ADAM18: variants seen among roughly 807,000 people sequenced by gnomAD.
The protein encoded by ADAM18 is ADAM metallopeptidase domain 18.
A neutral mutation model predicts 94.4 loss-of-function variants in ADAM18; 117 were observed. That is an observed-to-expected ratio of 1.24 (90% CI 1.07 to 1.45). The LOEUF is 1.45. Ranked by LOEUF, ADAM18 falls within the 40% of genes most tolerant of loss-of-function variation. The pLI, the probability that ADAM18 is intolerant of heterozygous loss-of-function variation, is 0.00. For synonymous variants in ADAM18, 327 were observed against 291.6 expected (o/e 1.12, Z -1.24); for missense variants, 936 against 880.0 (o/e 1.06, Z -0.81).
rs1822875584 is a variant in ADAM18, at chr8:39,725,419, T to A, written c.2177+1512T>A. Reference sequence around the variant, plus strand: ...ATACAGTATTGTTAGCTATAGGTACTGTGGTGTATAGTAGAGCTCCAGAAT... The same window carrying A: ...ATACAGTATTGTTAGCTATAGGTACAGTGGTGTATAGTAGAGCTCCAGAAT... On this transcript the variant is annotated intron_variant, in intron 19 of 19. Transcript: ENST00000265707. 3.3e-5 allele frequency among the ~76,000 whole-genome samples: 5 copies of A among 152,248 alleles called. No individual in the cohort carries two copies. The South Asian group carries it at 1.0e-3, about 32-fold the overall frequency.
At chr8:39,623,674 G>A (rs1819682675) in intron 6 of ADAM18, among the ~76,000 whole-genome samples, 1 of 152,092 alleles carries the variant, frequency 6.6e-6, no homozygotes, top group East Asian at 1.9e-4. Flanking sequence ...TCGGCTCACT[G>A]CAAGCTTCGC....
At chr8:39,593,516 A>G (rs1270735892) in intron 2 of ADAM18, among the ~76,000 whole-genome samples, 2 of 152,172 alleles carry the variant, frequency 1.3e-5, no homozygotes, top group Non-Finnish European at 2.9e-5. Flanking sequence ...TATTCAAAAC[A>G]GTATGGTTTT....
intron 7 of ADAM18, among the ~76,000 whole-genome samples, chr8:39,630,718 G>T (rs1819909542): frequency 6.6e-6 from 1 of 151,792 alleles, no homozygotes; most frequent in Admixed American, 6.6e-5. Flanking sequence ...CATGTCTTTT[G>T]GTAGACATAA....
At chr8:39,637,007 C>G (rs1255252166) in intron 7 of ADAM18, among the ~76,000 whole-genome samples, 1 of 130,932 alleles carries the variant, frequency 7.6e-6, no homozygotes, top group Admixed American at 8.7e-5. Flanking sequence ...AATATTTCCG[C>G]ATGTGTGTAT....
rs57734705 is a variant in ADAM18, at chr8:39,611,731, GA to G, written c.522+1035del. On this transcript the variant is annotated intron_variant, in intron 6 of 19. Coordinates refer to ENST00000265707, the MANE Select transcript of ADAM18 (RefSeq NM_014237.3). ...ATTAAATCATTATCCAACATGTGGA[GA>G]AAAAAAAAAGTGCCTATAGGTTGTG... Among the ~76,000 whole-genome samples, 1,122 of 147,864 alleles carry G rather than the reference GA, an allele frequency of 7.6e-3. 11 individuals carry two copies. The highest frequency in any genetic ancestry group is 0.026 in the African/African-American group (1,061 of 40,474).
intron 18 of ADAM18, among the ~76,000 whole-genome samples, chr8:39,707,814 A>G (rs973997499): frequency 6.6e-6 from 1 of 152,172 alleles, no homozygotes. Context: ...ATGTATTAAT[A>G]TATTTTCCTT....
rs764297790 is a variant in ADAM18 at position 39,661,175 on chromosome 8, G to A, written c.1231-2620G>A. 8.1e-4 allele frequency among the ~76,000 whole-genome samples: 104 copies of A among 127,670 alleles called. 1 individual carries two copies. The highest frequency in any genetic ancestry group is 1.2e-3 in the Non-Finnish European group (69 of 59,854). The allele number at this position is 127,670 out of a possible 152,430, so 83.8% of individuals were successfully genotyped here. A position where few individuals can be genotyped will look rare whatever the true frequency, so the allele number is the denominator to read the frequency against. ...TCTTCTTTTTTTTTTTTTTTTTTGA[G>A]GGAGTCTCGGTTTGTCGCCCAGGCT... is the stretch of plus-strand genomic sequence containing the variant. On this transcript the variant is annotated intron_variant, in intron 12 of 19. Transcript: ENST00000265707.
At chr8:39,607,527 A>G (rs539882552) in intron 3 of ADAM18, among the ~76,000 whole-genome samples, 1 of 152,298 alleles carries the variant, frequency 6.6e-6, no homozygotes, top group Admixed American at 6.5e-5. Context: ...TAGAATCATC[A>G]GTGGTCCTCA....
intron 2 of ADAM18, among the ~76,000 whole-genome samples, chr8:39,588,319 T>C (rs1818468287): frequency 6.6e-6 from 1 of 152,146 alleles, no homozygotes; most frequent in African/African-American, 2.4e-5. Context: ...TGATGATTAA[T>C]GATATTGAGT....
chr8:39,622,078 C>G (rs1819631485), intron 6 of ADAM18, among the ~76,000 whole-genome samples: 1 of 151,996 alleles, frequency 6.6e-6, no homozygotes. Flanking sequence ...TACCCCTGAA[C>G]TTAAAATAAA....
chr8:39,663,741 C>T (rs1820913460), intron 12 of ADAM18, 54 bp from the exon 13 acceptor site: 4 of 1,129,366 alleles, frequency 3.5e-6, no homozygotes, highest in East Asian at 2.6e-5. Context: ...GATTAAGAAA[C>T]AAGAGCTTTT....
intron 12 of ADAM18, among the ~76,000 whole-genome samples, chr8:39,658,083 C>T (rs1463624896): frequency 6.6e-6 from 1 of 152,168 alleles, no homozygotes; most frequent in South Asian, 2.1e-4. Context: ...TTACCAATGG[C>T]ACTCCTGCTG....
At chr8:39,720,093 G>A (rs1316730605) in intron 18 of ADAM18, among the ~76,000 whole-genome samples, 1 of 151,214 alleles carries the variant, frequency 6.6e-6, no homozygotes, top group Non-Finnish European at 1.5e-5. Context: ...ACAATGTGTA[G>A]TCTCTCAATA....
chr8:39,728,977 C>T (rs72642831), intron 19 of ADAM18, among the ~76,000 whole-genome samples: 11,380 of 152,178 alleles, frequency 0.075, 585 homozygotes, highest in Non-Finnish European at 0.11. Flanking sequence ...TTCATTCCCA[C>T]CAACAGTCCA....
chr8:39,643,895 A>C (rs1403484573), intron 10 of ADAM18, among the ~76,000 whole-genome samples: 1 of 151,556 alleles, frequency 6.6e-6, no homozygotes, highest in Non-Finnish European at 1.5e-5. Context: ...GCCCCAAAAC[A>C]TGATGGTCAG....
intron 14 of ADAM18, among the ~76,000 whole-genome samples, chr8:39,672,750 A>G (rs1022217713): frequency 6.6e-6 from 1 of 152,204 alleles, no homozygotes; most frequent in Non-Finnish European, 1.5e-5. Context: ...CAACCATTTA[A>G]TCACGTATCT....
intron 16 of ADAM18, among the ~76,000 whole-genome samples, chr8:39,687,370 G>A (rs971345924): frequency 2.0e-5 from 3 of 152,144 alleles, no homozygotes; most frequent in African/African-American, 4.8e-5. Flanking sequence ...GATCCAGTGA[G>A]AAATGGTAGT....
At chr8:39,715,251 G>A (rs988604489) in intron 18 of ADAM18, among the ~76,000 whole-genome samples, 1 of 151,918 alleles carries the variant, frequency 6.6e-6, no homozygotes, top group Non-Finnish European at 1.5e-5. Context: ...AGTCTCAAGA[G>A]AAATTTTAAA....
chr8:39,632,940 A>G (rs887689037), intron 7 of ADAM18, among the ~76,000 whole-genome samples: 1 of 152,196 alleles, frequency 6.6e-6, no homozygotes, highest in African/African-American at 2.4e-5. Flanking sequence ...ATTGAAACAT[A>G]ATGGCCAATG....
Sources: allele counts gnomAD v4.1 joint callset (sites outside exome capture counted in the v4.1 genomes callset), GRCh38; gene constraint gnomAD v4.1.1; transcripts MANE v1.5; gene names NCBI Gene and HGNC (gene_info 2026-07-23, HGNC 2026-07-21).